Variants in RAB7A observed in about 807,000 individuals in gnomAD.
RAB7A encodes RAB7A, member RAS oncogene family, also known as ras-related protein Rab-7a.
In RAB7A, 2 loss-of-function variants were observed where a neutral mutation model predicts 24.5. The ratio of observed to expected loss-of-function variants is 0.08; its 90% CI spans 0.03 to 0.26. The LOEUF (loss-of-function observed/expected upper bound fraction) is 0.26. Ranked by LOEUF, RAB7A falls within the 10% of genes least tolerant of loss-of-function variation. The pLI, the probability that RAB7A is intolerant of heterozygous loss-of-function variation, is 1.00. For missense variants in RAB7A, 118 were observed against 255.7 expected, an observed-to-expected ratio of 0.46 and a Z score of 3.67; for synonymous variants, 100 against 95.9, an observed-to-expected ratio of 1.04 and a Z score of -0.25.
chr3:128,767,867 A>G (rs1308907359), intron 1 of RAB7A, among the ~76,000 whole-genome samples: 1 of 152,032 alleles, frequency 6.6e-6, no homozygotes, highest in Admixed American at 6.6e-5. Context: ...TATACCTTTT[A>G]TTTATTTATT....
chr3:128,776,510 C>G (rs1437795351), intron 1 of RAB7A, among the ~76,000 whole-genome samples: 2 of 152,198 alleles, frequency 1.3e-5, no homozygotes, highest in African/African-American at 4.8e-5. Flanking sequence ...GTCTCAAACT[C>G]TTGGGCTCAA....
At chr3:128,764,289 T>A (rs756062404) in intron 1 of RAB7A, among the ~76,000 whole-genome samples, 16 of 150,600 alleles carry the variant, frequency 1.1e-4, no homozygotes, top group East Asian at 3.8e-4. Context: ...CCGACAACTT[T>A]CTTTCTTTTT....
At chr3:128,728,814 G>A (rs1413532589) in intron 1 of RAB7A, among the ~76,000 whole-genome samples, 1 of 152,146 alleles carries the variant, frequency 6.6e-6, no homozygotes, top group African/African-American at 2.4e-5. Flanking sequence ...TGTCACTACT[G>A]TAATTACCTT....
At chr3:128,782,786 C>T (rs534848084) in intron 1 of RAB7A, among the ~76,000 whole-genome samples, 1 of 152,200 alleles carries the variant, frequency 6.6e-6, no homozygotes, top group African/African-American at 2.4e-5. Context: ...GGTCACCAAG[C>T]ATGAGGAAGT....
intron 1 of RAB7A, among the ~76,000 whole-genome samples, chr3:128,743,069 G>A (rs1201493894): frequency 1.3e-5 from 2 of 152,338 alleles, no homozygotes; most frequent in African/African-American, 4.8e-5. Flanking sequence ...CCTGCCCCAC[G>A]GGGAGGCAGC....
chr3:128,771,376 A>C (rs1287055091), intron 1 of RAB7A, among the ~76,000 whole-genome samples: 1 of 152,236 alleles, frequency 6.6e-6, no homozygotes, highest in Non-Finnish European at 1.5e-5. Flanking sequence ...GCTAAAGAAC[A>C]AAGAATTCTA....
intron 2 of RAB7A, among the ~76,000 whole-genome samples, chr3:128,795,751 C>CTTTTTCTTTTTTTTTTTT (rs1933555486): frequency 2.3e-5 from 1 of 43,032 alleles, no homozygotes; most frequent in East Asian, 1.1e-3. Context: ...AGCAGATGTG[C>CTTTTTCTTTTTTTTTTTT]TTTTTTTTTT....
At chr3:128,730,358 TA>T (rs2107580777) in intron 1 of RAB7A, among the ~76,000 whole-genome samples, 1 of 151,882 alleles carries the variant, frequency 6.6e-6, no homozygotes, top group East Asian at 1.9e-4. Flanking sequence ...GCCTCCCGAG[TA>T]GCTGGGACTA....
At chr3:128,746,289 TAGAGAC>T (rs1261257938) in intron 1 of RAB7A, among the ~76,000 whole-genome samples, 1 of 152,142 alleles carries the variant, frequency 6.6e-6, no homozygotes, top group Middle Eastern at 3.2e-3. Context: ...CTTTGATTTT[TAGAGAC>T]AGAGTCTTGC....
chr3:128,792,181 C>CA (rs1287648485), intron 1 of RAB7A, among the ~76,000 whole-genome samples: 1 of 152,134 alleles, frequency 6.6e-6, no homozygotes, highest in Non-Finnish European at 1.5e-5. Flanking sequence ...GGTAGAGACT[C>CA]AAAGGGAAGG....
At chr3:128,795,901 G>A (rs1294515507) in intron 2 of RAB7A, among the ~76,000 whole-genome samples, 4 of 151,516 alleles carry the variant, frequency 2.6e-5, no homozygotes, top group Admixed American at 6.6e-5. Context: ...ACAGGCGCCC[G>A]CCACCACGCC....
chr3:128,789,517 G>A (rs541450321), intron 1 of RAB7A, among the ~76,000 whole-genome samples: 24 of 151,938 alleles, frequency 1.6e-4, no homozygotes, highest in Middle Eastern at 3.4e-3. Context: ...ATTTTCAGTA[G>A]AGATGGGTTT....
chr3:128,807,335 T>G (rs141783280), intron 4 of RAB7A, among the ~76,000 whole-genome samples: 78 of 152,240 alleles, frequency 5.1e-4, no homozygotes, highest in African/African-American at 1.8e-3. Flanking sequence ...GGCTTTGAGC[T>G]CTCTAGCTGA....
intron 1 of RAB7A, among the ~76,000 whole-genome samples, chr3:128,759,638 G>A (rs769465751): frequency 7.2e-5 from 11 of 152,164 alleles, no homozygotes; most frequent in South Asian, 4.2e-4. Context: ...TTGCTTGGGC[G>A]TTACAACACC....
chr3:128,786,693 T>TA (rs1366204497), intron 1 of RAB7A, among the ~76,000 whole-genome samples: 1 of 152,180 alleles, frequency 6.6e-6, no homozygotes, highest in African/African-American at 2.4e-5. Flanking sequence ...ATATGTGCAA[T>TA]AAGTCACATT....
intron 5 of RAB7A, among the ~76,000 whole-genome samples, chr3:128,810,740 A>G (rs1176853076): frequency 6.6e-6 from 1 of 152,216 alleles, no homozygotes; most frequent in African/African-American, 2.4e-5. Flanking sequence ...GCTTCAACAC[A>G]GGAATTTTGG....
chr3:128,770,777 G>A (rs1325902381), intron 1 of RAB7A, among the ~76,000 whole-genome samples: 3 of 151,994 alleles, frequency 2.0e-5, no homozygotes, highest in Non-Finnish European at 4.4e-5. Flanking sequence ...TTAATAAATT[G>A]TAATTAAGAA....
chr3:128,759,609 A>G (rs922022661), intron 1 of RAB7A, among the ~76,000 whole-genome samples: 1 of 152,218 alleles, frequency 6.6e-6, no homozygotes, highest in Non-Finnish European at 1.5e-5. Context: ...CTTCCTCCTC[A>G]GCCTGAAGAT....
rs902449964 is a variant in RAB7A at position 128,737,089 on chromosome 3, G to A, written c.-9+10730G>A. On this transcript the variant is annotated intron_variant, in intron 1 of 5. Transcript: ENST00000265062. The stretch of plus-strand genomic sequence containing the variant: ...GTCTCCCTCTGTCACCCAGGCTGGA[G>A]TGCAGTGGCGCGATCTTGGCTCACT... Among the ~76,000 whole-genome samples, 5 of 152,020 alleles carry A rather than the reference G, an allele frequency of 3.3e-5. No homozygotes were observed. The East Asian group carries it at 9.6e-4, about 29-fold the overall frequency.
Sources: allele counts gnomAD v4.1 joint callset (sites outside exome capture counted in the v4.1 genomes callset), GRCh38; gene constraint gnomAD v4.1.1; transcripts MANE v1.5; gene names NCBI Gene and HGNC (gene_info 2026-07-23, HGNC 2026-07-21).